DHCR7: variants seen among roughly 807,000 people sequenced by gnomAD.
The protein encoded by DHCR7 is 7-DHC reductase.
Under a neutral mutation model 43.3 loss-of-function variants are expected in DHCR7, and 40 were observed. That is an observed-to-expected ratio of 0.92 (90% CI 0.72 to 1.20). The LOEUF is 1.20. DHCR7 is among the 50% of genes most tolerant of loss of function. The pLI, the probability that DHCR7 is intolerant of heterozygous loss-of-function variation, is 0.00. For missense variants in DHCR7, 608 were observed against 644.6 expected, an observed-to-expected ratio of 0.94 and a Z score of 0.62; for synonymous variants, 298 against 271.4, an observed-to-expected ratio of 1.10 and a Z score of -0.96.
rs372055524 is a variant in DHCR7 at position 71,435,572 on chromosome 11, C to T, written c.1231G>A (p.Asp411Asn). The T allele has an allele frequency of 6.8e-6, 11 of 1,610,716 alleles. No homozygotes were observed. The highest frequency in any genetic ancestry group is 1.7e-5 in the Admixed American group (1 of 59,982). The change falls in exon 9 of 9, where the codon GAC becomes AAC. Residue 411 changes from aspartate to asparagine, a missense_variant. Transcript: ENST00000355527. ...CAGTAGGCCAGGCTGCCCATCAGGTCGCCGACGTAGTTGAAGTGGCGGGCC... is the reference window on the plus strand; with the variant it reads ...CAGTAGGCCAGGCTGCCCATCAGGTTGCCGACGTAGTTGAAGTGGCGGGCC... ...GVARHFNYVG[D>N]LMGSLAYCLA...
downstream of DHCR7, chr11:71,434,372 G>C (rs754415545): frequency 6.5e-6 from 1 of 152,742 alleles, no homozygotes; most frequent in Non-Finnish European, 1.5e-5. Flanking sequence ...GCCCATTCAC[G>C]AGTCAGGCCC....
rs1471145742 is a variant in DHCR7, at chr11:71,441,226, C to G, written c.626+1G>C. Reference sequence around the variant, plus strand: ...GGCTGGACCCGCTGCTAAGAACATACCAGTCTCTGGCGCTGGTGGGGAAGA... The same window carrying G: ...GGCTGGACCCGCTGCTAAGAACATAGCAGTCTCTGGCGCTGGTGGGGAAGA... On this transcript the variant is annotated splice_donor_variant, in intron 6 of 8. Transcript: ENST00000355527. LOFTEE classifies it high-confidence loss of function. 1 of 1,614,130 alleles carries G rather than the reference C, an allele frequency of 6.2e-7. No homozygotes were observed. The highest frequency in any genetic ancestry group is 8.5e-7 in the Non-Finnish European group (1 of 1,179,962).
intron 8 of DHCR7, 136 bp downstream of exon 8, chr11:71,437,676 A>T (rs1285144669): frequency 7.7e-7 from 1 of 1,301,316 alleles, no homozygotes; most frequent in Non-Finnish European, 1.1e-6. Flanking sequence ...TGAGCTGGCT[A>T]ATACACGAGG....
rs180752981 is a variant in DHCR7 at position 71,439,181 on chromosome 11, T to A, written c.627-98A>T. ...AGAGCCCAGCACTGGCCCAGGGTCC[T>A]AAAGGGTAACGTGAGACGGCGCAGG... On this transcript the variant is annotated intron_variant, in intron 6 of 8. Transcript: ENST00000355527. 249 of 1,195,462 alleles carry A rather than the reference T, an allele frequency of 2.1e-4. 1 individual carries two copies. The highest frequency in any genetic ancestry group is 1.9e-5 in the Non-Finnish European group (16 of 830,086). The allele number at this position is 1,195,462 out of a possible 1,614,324, so 74.1% of individuals were successfully genotyped here. A position where few individuals can be genotyped will look rare whatever the true frequency, so the allele number is the denominator to read the frequency against.
Position 71,442,332 on chromosome 11 carries a change from G to T in DHCR7, c.343C>A (p.Pro115Thr), listed in dbSNP as rs981021248. 3 of 1,613,910 alleles carry T rather than the reference G, an allele frequency of 1.9e-6. No homozygotes were observed. The highest frequency in any genetic ancestry group is 2.5e-6 in the Non-Finnish European group (3 of 1,179,936). ...TFQVLLYTSL[P>T]DFCHKFLPGY... ...GGTAGAAACTTATGGCAGAAGTCAG[G>T]GAGAGACGTGTACAGAAGCACCTGA... Residue 115 changes from proline to threonine, a missense_variant, in exon 5 of 9, where the codon CCT becomes ACT. Coordinates refer to ENST00000355527, the MANE Select transcript of DHCR7 (RefSeq NM_001360.3).
Position 71,435,839 on chromosome 11 carries a change from C to A in DHCR7, c.964G>T (p.Gly322Cys). ...VWLPYLYTLQ[G>C]LYLVYHPVQL... ...ACGGGGTGGTACACCAAGTACAGAC[C>A]CTGGGGGGCGAGGGGGAAGGGGTCA... The change falls in exon 9 of 9, where the codon GGT (glycine) becomes TGT (cysteine). Residue 322 changes from glycine (G) to cysteine (C), a missense_variant and splice_region_variant. By Grantham distance (159) the Gly-to-Cys change is radical. Coordinates refer to ENST00000355527, the MANE Select transcript of DHCR7 (RefSeq NM_001360.3). 2 of 1,600,174 alleles carry A rather than the reference C, an allele frequency of 1.2e-6. No individual in the cohort carries two copies. The highest frequency in any genetic ancestry group is 1.7e-6 in the Non-Finnish European group (2 of 1,174,178).
chr11:71,440,680 G>A (rs188010526), intron 6 of DHCR7, among the ~76,000 whole-genome samples: 1 of 138,122 alleles, frequency 7.2e-6, no homozygotes, highest in African/African-American at 2.7e-5. Context: ...GGGGCAATGG[G>A]TAGGTGGATG....
At chr11:71,437,990 C>T in intron 7 of DHCR7, 47 bp from the exon 8 acceptor site, 1 of 1,605,856 alleles carries the variant, frequency 6.2e-7, no homozygotes, top group African/African-American at 1.3e-5. Flanking sequence ...CTCCTGGGGC[C>T]CCCATGGACC....
chr11:71,440,822 G>A (rs914931165), intron 6 of DHCR7, among the ~76,000 whole-genome samples: 13 of 152,076 alleles, frequency 8.5e-5, no homozygotes, highest in Non-Finnish European at 4.4e-5. Flanking sequence ...AAGCCAGCAG[G>A]GCTCTCCTGG....
chr11:71,430,880 C>T (rs563567490), downstream of DHCR7, among the ~76,000 whole-genome samples: 1 of 152,192 alleles, frequency 6.6e-6, no homozygotes, highest in Non-Finnish European at 1.5e-5. Flanking sequence ...CTAGGCTGGG[C>T]ACGGTGGCTC....
At chr11:71,442,397 C>T (rs1245784979) in intron 4 of DHCR7, 44 bp from the exon 5 acceptor site, 3 of 1,409,618 alleles carry the variant, frequency 2.1e-6, no homozygotes, top group African/African-American at 1.4e-5. Flanking sequence ...CTGGAGGGCA[C>T]CTGCAAAGGG....
In DHCR7 at chr11:71,435,179, A is replaced by G. The variant is rs747336124; in HGVS notation, c.*196T>C. 1.4e-6 allele frequency: 1 copy of G among 711,652 alleles called. No homozygotes were observed. Among genetic ancestry groups the G allele is most frequent in the Non-Finnish European group, 2.5e-6 (1 of 394,376 alleles). 44.1% of individuals were successfully genotyped at this position (711,652 alleles called of 1,614,324 possible). On this transcript the variant is annotated 3_prime_UTR_variant, in exon 9 of 9. Coordinates refer to ENST00000355527, the MANE Select transcript of DHCR7 (RefSeq NM_001360.3). ...TGCTGGCAATACGGCAGTGCTGGAC[A>G]CTCGGAATTCCCTTGAAGGCAAAAG...
At chr11:71,438,620 T>C (rs1371652395) in intron 7 of DHCR7, 2 of 559,848 alleles carry the variant, frequency 3.6e-6, no homozygotes, top group African/African-American at 1.9e-5. Context: ...CCAGGTGTAA[T>C]CCCCAAGGGA....
rs2120355030 is a variant in DHCR7, at chr11:71,444,176, T to A, written c.138A>T (p.Leu46=). 1.9e-6 allele frequency: 3 copies of A among 1,606,442 alleles called. No individual in the cohort carries two copies. Among genetic ancestry groups the A allele is most frequent in the Non-Finnish European group, 2.6e-6 (3 of 1,176,054 alleles). Residue 46 remains leucine (L), a synonymous_variant, in exon 4 of 9, where the codon CTA becomes CTT. Coordinates refer to ENST00000355527, the MANE Select transcript of DHCR7 (RefSeq NM_001360.3). ...AGACGATGAAGGGGGCGAACAGCAGTAGGAAGATGACGCTCGCCAGTGAAA... is the reference window on the plus strand; with the variant it reads ...AGACGATGAAGGGGGCGAACAGCAGAAGGAAGATGACGCTCGCCAGTGAAA... The part of the protein sequence containing the change: ...DWFSLASVIF[L]LLFAPFIVYY...
downstream of DHCR7, among the ~76,000 whole-genome samples, chr11:71,431,850 C>T (rs1949229760): frequency 6.6e-6 from 1 of 152,142 alleles, no homozygotes. Flanking sequence ...GAGACAGGGT[C>T]TTGCTCTGTT....
downstream of DHCR7, among the ~76,000 whole-genome samples, chr11:71,429,426 C>A (rs566889925): frequency 1.3e-5 from 2 of 152,166 alleles, no homozygotes; most frequent in South Asian, 4.2e-4. Context: ...GGGCAGGAGG[C>A]AGGGAGACAT....
chr11:71,427,911 C>A (rs560204922), downstream of DHCR7, among the ~76,000 whole-genome samples: 1 of 152,230 alleles, frequency 6.6e-6, no homozygotes, highest in Non-Finnish European at 1.5e-5. Context: ...AAATTCTAGA[C>A]CTCCAGAAGG....
chr11:71,435,085 C>T lies in DHCR7; in HGVS notation c.*290G>A. On this transcript the variant is annotated 3_prime_UTR_variant, in exon 9 of 9. Coordinates refer to ENST00000355527, the MANE Select transcript of DHCR7 (RefSeq NM_001360.3). ...GCTCCTAATACAGGTAAATTGTCTC[C>T]AAAGGACTAGTAAAGGTGACTGGGT... 1 of 619,268 alleles carries T rather than the reference C, an allele frequency of 1.6e-6. No individual in the cohort carries two copies. Among genetic ancestry groups the T allele is most frequent in the South Asian group, 1.5e-5 (1 of 66,042 alleles). The allele number at this position is 619,268 out of a possible 1,614,324, so 38.4% of individuals were successfully genotyped here. A position where few individuals can be genotyped will look rare whatever the true frequency, so the allele number is the denominator to read the frequency against.
Position 71,441,319 on chromosome 11 carries a change from G to C in DHCR7, c.534C>G (p.Ile178Met). ...GGATGTTGGCGCACCACAGCAGTGG[G>C]ATCCAGTTGTCGAAGATGATGGTGG... The part of the protein sequence containing the change: ...FSPTIIFDNW[I>M]PLLWCANILG... Residue 178 changes from isoleucine (I) to methionine (M), a missense_variant, in exon 6 of 9, where the codon ATC becomes ATG. Physicochemically the swap from Ile to Met is conservative, Grantham distance 10. Coordinates refer to ENST00000355527, the MANE Select transcript of DHCR7 (RefSeq NM_001360.3). The C allele has an allele frequency of 6.2e-7, 1 of 1,614,258 alleles. No homozygotes were observed. Among genetic ancestry groups the C allele is most frequent in the East Asian group, 2.2e-5 (1 of 44,890 alleles).
Sources: allele counts gnomAD v4.1 joint callset (sites outside exome capture counted in the v4.1 genomes callset), GRCh38; gene constraint gnomAD v4.1.1; transcripts MANE v1.5; gene names NCBI Gene and HGNC (gene_info 2026-07-23, HGNC 2026-07-21).